AGAP1: variants seen among roughly 807,000 people sequenced by gnomAD.
The protein encoded by AGAP1 is arf-GAP with GTPase, ANK repeat and PH domain-containing protein 1.
A neutral mutation model predicts 105.3 loss-of-function variants in AGAP1; 29 were observed. The ratio of observed to expected loss-of-function variants is 0.28; its 90% CI spans 0.21 to 0.38. The LOEUF is 0.38. AGAP1 is among the 10% of genes least tolerant of loss of function. The pLI, the probability that AGAP1 is intolerant of heterozygous loss-of-function variation, is 1.00. For missense variants in AGAP1, 998 were observed against 1,165.1 expected (o/e 0.86, Z 2.09); for synonymous variants, 509 against 485.9 (o/e 1.05, Z -0.63).
chr2:235,863,271 G>A (rs2049011872), intron 9 of AGAP1, among the ~76,000 whole-genome samples: 1 of 152,226 alleles, frequency 6.6e-6, no homozygotes, highest in Non-Finnish European at 1.5e-5. Flanking sequence ...CAACCACAAT[G>A]TGATTTCCAT....
chr2:235,588,419 C>T (rs949684628), intron 1 of AGAP1, among the ~76,000 whole-genome samples: 1 of 152,014 alleles, frequency 6.6e-6, no homozygotes, highest in Non-Finnish European at 1.5e-5. Flanking sequence ...GCCAACGCAC[C>T]GTCACCTTCC....
chr2:235,549,348 G>C lies in AGAP1; in HGVS notation c.163+54499G>C, dbSNP rs573480665. ...CCAGCTCTCACCTGGGAAGGTCAGC[G>C]TGCAGGGTTGCAGACTGCTTAAGCC... On this transcript the variant is annotated intron_variant, in intron 1 of 17. Coordinates refer to ENST00000304032, the MANE Select transcript of AGAP1 (RefSeq NM_001037131.3). The surrounding 1 kb of genome is among the most constrained non-coding windows in gnomAD (Gnocchi z 4.2). Among the ~76,000 whole-genome samples the C allele has an allele frequency of 6.6e-6, 1 of 152,192 alleles. No homozygotes were observed. Among genetic ancestry groups the C allele is most frequent in the Non-Finnish European group, 1.5e-5 (1 of 68,030 alleles).
At chr2:235,860,423 C>T (rs921311360) in intron 9 of AGAP1, among the ~76,000 whole-genome samples, 5 of 151,898 alleles carry the variant, frequency 3.3e-5, no homozygotes, top group African/African-American at 9.7e-5. Context: ...TTTCTAACTG[C>T]GCAGCTTTCT....
rs1273151673 is a variant in AGAP1 at position 235,494,394 on chromosome 2, G to C, written c.-293G>C. 33 of 143,952 alleles carry C rather than the reference G, an allele frequency of 2.3e-4. No homozygotes were observed. The highest frequency in any genetic ancestry group is 6.2e-5 in the Non-Finnish European group (4 of 64,768). 8.9% of individuals were successfully genotyped at this position (143,952 alleles called of 1,614,324 possible). A position where few individuals can be genotyped will look rare whatever the true frequency, so the allele number is the denominator to read the frequency against. On this transcript the variant is annotated 5_prime_UTR_variant, in exon 1 of 18. Transcript: ENST00000304032. Reference sequence around the variant, plus strand: ...ACCCGAGCAAGCCTCCTTCGGGGCCGGCCGCACCCGCCGCGGCGCGCTCCA... The same window carrying C: ...ACCCGAGCAAGCCTCCTTCGGGGCCCGCCGCACCCGCCGCGGCGCGCTCCA...
At chr2:235,834,203 A>C (rs1007157644) in intron 9 of AGAP1, among the ~76,000 whole-genome samples, 8 of 152,110 alleles carry the variant, frequency 5.3e-5, no homozygotes, top group African/African-American at 1.9e-4. Context: ...GAAAAGTTCC[A>C]GGTTTTCTTT....
In AGAP1 at chr2:235,973,183, G is replaced by A. The variant is rs1050000121; in HGVS notation, c.1645+4560G>A. 2.0e-5 allele frequency among the ~76,000 whole-genome samples: 3 copies of A among 152,256 alleles called. No homozygotes were observed. The highest frequency in any genetic ancestry group is 3.9e-4 in the East Asian group (2 of 5,170). ...TTCCTGCCCTGGAGTTTCTCCCTGC[G>A]CAGGTGCTCGCTGTGCTCTTTTTGC... On this transcript the variant is annotated intron_variant, in intron 13 of 17. Transcript: ENST00000304032. The surrounding 1 kb of genome is among the most constrained non-coding windows in gnomAD (Gnocchi z 4.7).
In AGAP1 at chr2:235,724,806, G is replaced by C. The variant is rs1373451662; in HGVS notation, c.310+7162G>C. The stretch of plus-strand genomic sequence containing the variant: ...GTCGAGTTTCTGAGCATAAGTCATA[G>C]GAAATTCTCAAACATACTTTTGCTT... On this transcript the variant is annotated intron_variant, in intron 3 of 17. Transcript: ENST00000304032. The surrounding 1 kb of genome is among the most constrained non-coding windows in gnomAD (Gnocchi z 4.9). 6.6e-6 allele frequency among the ~76,000 whole-genome samples: 1 copy of C among 152,168 alleles called. No individual in the cohort carries two copies. Among genetic ancestry groups the C allele is most frequent in the African/African-American group, 2.4e-5 (1 of 41,428 alleles).
intron 13 of AGAP1, among the ~76,000 whole-genome samples, chr2:235,991,675 T>C (rs1479222836): frequency 1.3e-5 from 2 of 152,378 alleles, no homozygotes; most frequent in East Asian, 3.9e-4. Flanking sequence ...GGGCGTTCTT[T>C]CTAAGGCTCT....
chr2:235,644,459 G>A (rs1469429291), intron 1 of AGAP1, among the ~76,000 whole-genome samples: 1 of 152,074 alleles, frequency 6.6e-6, no homozygotes, highest in African/African-American at 2.4e-5. Flanking sequence ...CAAAACCACA[G>A]AGGATCGCCC....
rs568168239 is a variant in AGAP1, at chr2:235,906,908, C to T, written c.1156-1830C>T. The stretch of plus-strand genomic sequence containing the variant: ...CTGCTTGCCTGTCATCCCAGCTACT[C>T]GGGAGACTGAGGCAGGAGAATCTCT... On this transcript the variant is annotated intron_variant, in intron 10 of 17. Transcript: ENST00000304032. The surrounding 1 kb of genome is among the most constrained non-coding windows in gnomAD (Gnocchi z 5.3). Among the ~76,000 whole-genome samples, 14 of 152,278 alleles carry T rather than the reference C, an allele frequency of 9.2e-5. No homozygotes were observed. The East Asian group carries it at 2.5e-3, about 27-fold the overall frequency.
chr2:235,670,701 C>A (rs1449691104), intron 1 of AGAP1: 3 of 745,654 alleles, frequency 4.0e-6, no homozygotes, highest in Non-Finnish European at 6.8e-6. Context: ...GCGACCGCCA[C>A]GCAGCCCGCC....
In AGAP1 at chr2:235,786,839, G is replaced by A. The variant is rs548341993; in HGVS notation, c.674-10920G>A. 2.7e-4 allele frequency among the ~76,000 whole-genome samples: 41 copies of A among 152,286 alleles called. No homozygotes were observed. In the South Asian group the frequency reaches 8.3e-3, roughly 31 times the overall value. ...TGAAGAATAAGTTCATTTGTTTATA[G>A]GGTTCAGGAGACCCCTAGAGTTCCA... On this transcript the variant is annotated intron_variant, in intron 6 of 17. Transcript: ENST00000304032.
At position 235,801,078 on chromosome 2, in the gene AGAP1, G is replaced by C. The variant is rs1957473212; in HGVS notation, c.957+1556G>C. On this transcript the variant is annotated intron_variant, in intron 8 of 17. Coordinates refer to ENST00000304032, the MANE Select transcript of AGAP1 (RefSeq NM_001037131.3). This position sits in a 1 kb window ranked among gnomAD's most constrained non-coding sequence, Gnocchi z 6.0. Reference sequence around the variant, plus strand: ...GATGCTCATGACTGCGGAGGCGGTTGCCAGCTGCACACACCCCCTCGTCCC... The same window carrying C: ...GATGCTCATGACTGCGGAGGCGGTTCCCAGCTGCACACACCCCCTCGTCCC... Among the ~76,000 whole-genome samples, 1 of 152,164 alleles carries C rather than the reference G, an allele frequency of 6.6e-6. No individual in the cohort carries two copies. The highest frequency in any genetic ancestry group is 1.5e-5 in the Non-Finnish European group (1 of 68,042).
chr2:236,021,915 C>G (rs191763926), intron 13 of AGAP1, among the ~76,000 whole-genome samples: 1 of 151,704 alleles, frequency 6.6e-6, no homozygotes, highest in Non-Finnish European at 1.5e-5. Context: ...AAAAATTAGC[C>G]AGGTGTGGTG....
chr2:235,631,756 G>A lies in AGAP1; in HGVS notation c.164-77423G>A, dbSNP rs754188364. Among the ~76,000 whole-genome samples the A allele has an allele frequency of 1.3e-5, 2 of 152,246 alleles. No homozygotes were observed. Among genetic ancestry groups the A allele is most frequent in the African/African-American group, 2.4e-5 (1 of 41,472 alleles). On this transcript the variant is annotated intron_variant, in intron 1 of 17. Coordinates refer to ENST00000304032, the MANE Select transcript of AGAP1 (RefSeq NM_001037131.3). This position sits in a 1 kb window ranked among gnomAD's most constrained non-coding sequence, Gnocchi z 5.4. ...GACACACGGAGCCTTGGAGCTGCCTGTGGCAGGTGGCGGTGCTAATTAAGT... is the reference window on the plus strand; with the variant it reads ...GACACACGGAGCCTTGGAGCTGCCTATGGCAGGTGGCGGTGCTAATTAAGT...
intron 1 of AGAP1, among the ~76,000 whole-genome samples, chr2:235,638,224 A>G (rs911860133): frequency 5.3e-5 from 8 of 152,154 alleles, no homozygotes; most frequent in African/African-American, 1.7e-4. Flanking sequence ...TACTCCTCCC[A>G]TCTGCCTGGG....
intron 2 of AGAP1, among the ~76,000 whole-genome samples, chr2:235,711,472 G>C (rs1223109819): frequency 6.6e-6 from 1 of 152,228 alleles, no homozygotes; most frequent in African/African-American, 2.4e-5. Flanking sequence ...GTAGGAGACA[G>C]TTGCGTTTGA....
chr2:235,496,566 A>G (rs1200303720), intron 1 of AGAP1, among the ~76,000 whole-genome samples: 1 of 152,252 alleles, frequency 6.6e-6, no homozygotes, highest in East Asian at 1.9e-4. Flanking sequence ...AACACTGTGA[A>G]AGCCGGCGTC....
Position 235,600,388 on chromosome 2 carries a change from C to T in AGAP1, c.163+105539C>T, listed in dbSNP as rs946829819. 2.0e-5 allele frequency among the ~76,000 whole-genome samples: 3 copies of T among 152,278 alleles called. No individual in the cohort carries two copies. The highest frequency in any genetic ancestry group is 7.2e-5 in the African/African-American group (3 of 41,552). ...TCAGGGAGCCCTCACCTGAAGCCCT[C>T]CTCTTACCCACCCTCTGCCCTATAG... On this transcript the variant is annotated intron_variant, in intron 1 of 17. Coordinates refer to ENST00000304032, the MANE Select transcript of AGAP1 (RefSeq NM_001037131.3). This position sits in a 1 kb window ranked among gnomAD's most constrained non-coding sequence, Gnocchi z 4.8.
Sources: allele counts gnomAD v4.1 joint callset (sites outside exome capture counted in the v4.1 genomes callset), GRCh38; gene constraint gnomAD v4.1.1; non-coding constraint Gnocchi (gnomAD v3.1); transcripts MANE v1.5; gene names NCBI Gene and HGNC (gene_info 2026-07-23, HGNC 2026-07-21).